Variants in NAALADL2 observed in about 807,000 individuals in gnomAD.
NAALADL2 encodes the protein inactive N-acetylated-alpha-linked acidic dipeptidase-like protein 2.
NAALADL2 carries 76 observed loss-of-function variants against 87.2 expected under a neutral mutation model. The ratio of observed to expected loss-of-function variants is 0.87; its 90% CI spans 0.72 to 1.05. The LOEUF (loss-of-function observed/expected upper bound fraction) is 1.05, where lower values mean the gene tolerates loss of function less well. NAALADL2 is among the 50% of genes least tolerant of loss of function. The pLI, the probability that NAALADL2 is intolerant of heterozygous loss-of-function variation, is 0.00. For synonymous variants in NAALADL2, 354 were observed against 331.0 expected (o/e 1.07, Z -0.75); for missense variants, 1,089 against 945.8 (o/e 1.15, Z -1.99).
intron 5 of NAALADL2, among the ~76,000 whole-genome samples, chr3:175,388,007 C>G (rs926049857): frequency 2.9e-4 from 44 of 152,106 alleles, no homozygotes; most frequent in Admixed American, 2.2e-3. Flanking sequence ...ATGAATGGCT[C>G]CAGGAGATCC....
At chr3:174,753,467 T>C (rs1711536910) in intron 3 of NAALADL2, among the ~76,000 whole-genome samples, 1 of 152,250 alleles carries the variant, frequency 6.6e-6, no homozygotes, top group South Asian at 2.1e-4. Flanking sequence ...CTTTATAATC[T>C]TTAACTTCGT....
intron 2 of NAALADL2, among the ~76,000 whole-genome samples, chr3:174,705,506 C>T (rs559431723): frequency 3.9e-5 from 6 of 152,220 alleles, no homozygotes; most frequent in African/African-American, 1.4e-4. Context: ...AGTTCTGGGC[C>T]GGGCGCGATG....
intron 1 of NAALADL2, among the ~76,000 whole-genome samples, chr3:174,981,795 T>C (rs1431671146): frequency 2.6e-5 from 4 of 152,134 alleles, no homozygotes; most frequent in Non-Finnish European, 5.9e-5. Flanking sequence ...CACCTACCTT[T>C]TGTTTCTTTC....
chr3:174,574,125 T>C (rs139459050), intron 2 of NAALADL2, among the ~76,000 whole-genome samples: 2 of 152,356 alleles, frequency 1.3e-5, no homozygotes, highest in African/African-American at 4.8e-5. Context: ...GTTTCTGCTA[T>C]ATAACTTCTA....
rs192746783 is a variant in NAALADL2 at position 174,562,703 on chromosome 3, A to G, written c.-115+12066A>G. On this transcript the variant is annotated intron_variant, in intron 2 of 3. Coordinates refer to the NAALADL2 transcript ENST00000434257. ...TTGTCTACTGGAACTACGCAAGGAG[A>G]AGCAATTATGACAGGAGCATACAAT... 1.1e-4 allele frequency among the ~76,000 whole-genome samples: 17 copies of G among 152,014 alleles called. 1 individual carries two copies. Among genetic ancestry groups the G allele is most frequent in the Non-Finnish European group, 7.4e-5 (5 of 67,960 alleles).
intron 1 of NAALADL2, among the ~76,000 whole-genome samples, chr3:174,450,893 A>G (rs1210855509): frequency 6.9e-6 from 1 of 144,274 alleles, no homozygotes; most frequent in East Asian, 2.1e-4. Context: ...AAAAAAAAAA[A>G]GAAAGAAAGA....
intron 11 of NAALADL2, among the ~76,000 whole-genome samples, chr3:175,705,793 G>T (rs1416373570): frequency 6.6e-6 from 1 of 152,088 alleles, no homozygotes; most frequent in Non-Finnish European, 1.5e-5. Context: ...TAGAACAGGA[G>T]TTAGCTTGAC....
chr3:174,811,396 C>T (rs1705848783), intron 3 of NAALADL2, among the ~76,000 whole-genome samples: 1 of 152,152 alleles, frequency 6.6e-6, no homozygotes, highest in African/African-American at 2.4e-5. Flanking sequence ...GGAGTCCACC[C>T]CTTGCACCAG....
chr3:175,019,221 A>T (rs13316733), intron 1 of NAALADL2, among the ~76,000 whole-genome samples: 1 of 151,794 alleles, frequency 6.6e-6, no homozygotes, highest in South Asian at 2.1e-4. Flanking sequence ...AAATTGCCCC[A>T]AAGTTCATAC....
intron 1 of NAALADL2, among the ~76,000 whole-genome samples, chr3:174,927,711 G>A (rs1257149069): frequency 2.0e-5 from 3 of 152,214 alleles, no homozygotes; most frequent in Admixed American, 2.0e-4. Flanking sequence ...TTAAAGCAGT[G>A]TGTAGAGGGA....
At chr3:174,899,353 A>C (rs945315147) in intron 1 of NAALADL2, among the ~76,000 whole-genome samples, 2 of 152,178 alleles carry the variant, frequency 1.3e-5, no homozygotes, top group African/African-American at 2.4e-5. Flanking sequence ...TCATGTTGAA[A>C]CATAATCCCC....
At chr3:175,671,442 A>G (rs138129390) in intron 11 of NAALADL2, among the ~76,000 whole-genome samples, 10 of 152,002 alleles carry the variant, frequency 6.6e-5, no homozygotes, top group Non-Finnish European at 1.2e-4. Flanking sequence ...ATAGTTTCAG[A>G]TATCTTGGGA....
chr3:175,074,063 C>CT (rs996818176), intron 1 of NAALADL2, among the ~76,000 whole-genome samples: 26 of 151,850 alleles, frequency 1.7e-4, no homozygotes, highest in African/African-American at 2.9e-4. Context: ...GGGATTTTAG[C>CT]TTTTTTTTAC....
At chr3:174,816,170 TTC>T (rs1579050400) in intron 3 of NAALADL2, among the ~76,000 whole-genome samples, 3 of 152,044 alleles carry the variant, frequency 2.0e-5, no homozygotes, top group East Asian at 3.9e-4. Context: ...TATAAATATC[TTC>T]TCTTTCCATT....
intron 1 of NAALADL2, among the ~76,000 whole-genome samples, chr3:175,095,414 C>G (rs1042980199): frequency 2.0e-5 from 3 of 152,020 alleles, no homozygotes; most frequent in Admixed American, 6.6e-5. Flanking sequence ...TTACCTATCT[C>G]TGCCTGACAT....
chr3:174,755,907 A>C (rs1245574223), intron 3 of NAALADL2, among the ~76,000 whole-genome samples: 1 of 152,192 alleles, frequency 6.6e-6, no homozygotes, highest in African/African-American at 2.4e-5. Context: ...TTGCTTTTGC[A>C]ATTTCTTTCT....
chr3:175,371,278 A>T (rs1247629848), intron 5 of NAALADL2, among the ~76,000 whole-genome samples: 7 of 151,814 alleles, frequency 4.6e-5, no homozygotes, highest in Admixed American at 1.3e-4. Context: ...TATTATTATT[A>T]TTTTTTGAGA....
intron 2 of NAALADL2, among the ~76,000 whole-genome samples, chr3:175,148,085 GATAATGATAATAATAATAATA>G (rs1162559855): frequency 1.8e-5 from 2 of 110,340 alleles, no homozygotes; most frequent in African/African-American, 6.0e-5. Flanking sequence ...TAATAATAAT[GATAATGATAATAATAATAATA>G]ATAATAATAA....
At chr3:175,051,737 A>C (rs1177110366) in intron 1 of NAALADL2, among the ~76,000 whole-genome samples, 1 of 152,220 alleles carries the variant, frequency 6.6e-6, no homozygotes, top group Non-Finnish European at 1.5e-5. Flanking sequence ...AATTCTTGGG[A>C]GTCACTGTAG....
Sources: gnomAD v4.1 joint callset for allele counts (sites outside exome capture counted in the v4.1 genomes callset) on GRCh38, gnomAD v4.1.1 for gene constraint, MANE v1.5 for transcripts, NCBI Gene and HGNC (gene_info 2026-07-23, HGNC 2026-07-21) for gene names.